TMEM178B: variants seen among roughly 807,000 people sequenced by gnomAD.
The protein encoded by TMEM178B is transmembrane protein 178B.
In TMEM178B, 5 loss-of-function variants were observed where a neutral mutation model predicts 31.0. That is an observed-to-expected ratio of 0.16 (90% CI 0.08 to 0.34). TMEM178B has a LOEUF of 0.34. Ranked by LOEUF, TMEM178B falls within the 10% of genes least tolerant of loss-of-function variation. TMEM178B has a pLI of 1.00. For synonymous variants in TMEM178B, 164 were observed against 164.0 expected (o/e 1.00, Z 0.00); for missense variants, 275 against 400.3 (o/e 0.69, Z 2.67).
intron 1 of TMEM178B, among the ~76,000 whole-genome samples, chr7:141,183,130 T>A (rs183319979): frequency 1.3e-5 from 2 of 152,342 alleles, no homozygotes; most frequent in Admixed American, 6.5e-5. Context: ...AAAAACAATG[T>A]TGGCTATACA....
Position 141,077,498 on chromosome 7 carries a change from T to A in TMEM178B, c.382+2806T>A, listed in dbSNP as rs78659985. On this transcript the variant is annotated intron_variant, in intron 1 of 3. Transcript: ENST00000565468. ...AAACGAACATCAAATCTATGTCTGA[T>A]TTGAAGGTAAAGTCCTCTGGATTCA... 9.3e-4 allele frequency among the ~76,000 whole-genome samples: 141 copies of A among 152,350 alleles called. 2 individuals are homozygous for A. In the East Asian group the frequency reaches 0.026, roughly 28 times the overall value.
chr7:141,356,640 GC>G (rs1799824365), intron 2 of TMEM178B, among the ~76,000 whole-genome samples: 1 of 149,340 alleles, frequency 6.7e-6, no homozygotes, highest in South Asian at 2.2e-4. Flanking sequence ...GACCATAGTT[GC>G]GGGGTTGGGC....
intron 3 of TMEM178B, among the ~76,000 whole-genome samples, chr7:141,438,007 C>G (rs552404476): frequency 6.6e-6 from 1 of 152,274 alleles, no homozygotes; most frequent in South Asian, 2.1e-4. Flanking sequence ...AAGACACTTA[C>G]GGAGATGATC....
intron 1 of TMEM178B, among the ~76,000 whole-genome samples, chr7:141,184,962 C>A (rs188869594): frequency 1.0e-3 from 153 of 152,320 alleles, no homozygotes; most frequent in Non-Finnish European, 2.0e-3. Context: ...GCCTTACTGA[C>A]CCTCTGGACG....
At chr7:141,499,916 C>T in the TMEM178B span, among the ~76,000 whole-genome samples, 1 of 152,128 alleles carries the variant, frequency 6.6e-6, no homozygotes, top group Non-Finnish European at 1.5e-5. Context: ...TGTGATGTAT[C>T]TTTAAAAATA....
intron 2 of TMEM178B, among the ~76,000 whole-genome samples, chr7:141,323,304 C>T (rs1213010643): frequency 1.3e-5 from 2 of 152,216 alleles, no homozygotes; most frequent in African/African-American, 2.4e-5. Flanking sequence ...TCTTCTCTAT[C>T]ATCTGGGTAC....
intron 2 of TMEM178B, among the ~76,000 whole-genome samples, chr7:141,410,913 A>G (rs1800975277): frequency 6.6e-6 from 1 of 152,250 alleles, no homozygotes; most frequent in Admixed American, 6.5e-5. Context: ...ATGCTACAAC[A>G]TAGATGAACC....
chr7:141,464,943 G>T (rs754176639), intron 3 of TMEM178B, among the ~76,000 whole-genome samples: 18 of 152,192 alleles, frequency 1.2e-4, no homozygotes, highest in Non-Finnish European at 1.8e-4. Flanking sequence ...TCATGTTGTT[G>T]TTACACCACG....
At position 141,405,283 on chromosome 7, in the gene TMEM178B, C is replaced by T. The variant is rs1477774424; in HGVS notation, c.497-32325C>T. Among the ~76,000 whole-genome samples the T allele has an allele frequency of 2.0e-5, 3 of 152,366 alleles. No individual in the cohort carries two copies. The East Asian group carries it at 5.8e-4, about 29-fold the overall frequency. On this transcript the variant is annotated intron_variant, in intron 2 of 3. Transcript: ENST00000565468. ...TGACTCATGCCCAAAGACAGCCAGC[C>T]ACCTGGCATCTATGCCAAGGGCTCG... is the stretch of plus-strand genomic sequence containing the variant.
At chr7:141,160,701 T>C (rs550044717) in intron 1 of TMEM178B, among the ~76,000 whole-genome samples, 12 of 152,294 alleles carry the variant, frequency 7.9e-5, no homozygotes, top group Admixed American at 2.0e-4. Context: ...GTTTTCCTTA[T>C]GGTGGGTCTG....
At chr7:141,284,377 T>G (rs1586869829) in intron 2 of TMEM178B, among the ~76,000 whole-genome samples, 1 of 152,278 alleles carries the variant, frequency 6.6e-6, no homozygotes. Flanking sequence ...TGCCCTAAAT[T>G]TGTCTGTTTT....
At chr7:141,251,194 A>C (rs1260537972) in intron 2 of TMEM178B, among the ~76,000 whole-genome samples, 1 of 151,868 alleles carries the variant, frequency 6.6e-6, no homozygotes, top group Non-Finnish European at 1.5e-5. Flanking sequence ...CTCAATCCCT[A>C]AGGAAGATGC....
At chr7:141,283,353 A>G (rs1168491218) in intron 2 of TMEM178B, among the ~76,000 whole-genome samples, 7 of 152,336 alleles carry the variant, frequency 4.6e-5, no homozygotes, top group South Asian at 2.1e-4. Context: ...GGGAATGAAG[A>G]TATCAGTCTT....
intron 1 of TMEM178B, among the ~76,000 whole-genome samples, chr7:141,154,414 A>G (rs745887174): frequency 3.9e-5 from 6 of 152,178 alleles, no homozygotes; most frequent in African/African-American, 7.2e-5. Context: ...AGGCTCTGCT[A>G]TAGACTGGTT....
At chr7:141,137,578 G>A (rs1795696203) in intron 1 of TMEM178B, among the ~76,000 whole-genome samples, 1 of 152,232 alleles carries the variant, frequency 6.6e-6, no homozygotes, top group Non-Finnish European at 1.5e-5. Flanking sequence ...GGGGCATGAA[G>A]AGAGGCTGGC....
chr7:141,086,180 C>A (rs528266859), intron 1 of TMEM178B, among the ~76,000 whole-genome samples: 1 of 151,384 alleles, frequency 6.6e-6, no homozygotes, highest in Non-Finnish European at 1.5e-5. Flanking sequence ...GGACTACAGG[C>A]GCCTGCCACC....
chr7:141,263,124 G>A (rs1046940968), intron 2 of TMEM178B, among the ~76,000 whole-genome samples: 2 of 152,172 alleles, frequency 1.3e-5, no homozygotes, highest in Admixed American at 6.6e-5. Flanking sequence ...TTGAAAAGGA[G>A]CTTTGTTTCT....
chr7:141,119,334 T>C (rs1285753021), intron 1 of TMEM178B, among the ~76,000 whole-genome samples: 1 of 152,150 alleles, frequency 6.6e-6, no homozygotes, highest in Admixed American at 6.5e-5. Flanking sequence ...CCCAGTGAGC[T>C]CTAGTGGCTA....
intron 3 of TMEM178B, among the ~76,000 whole-genome samples, chr7:141,460,322 C>G (rs545822419): frequency 2.0e-5 from 3 of 152,256 alleles, no homozygotes; most frequent in East Asian, 3.9e-4. Context: ...TGCGTGTGCA[C>G]GCACCTGGTG....
Sources: gnomAD v4.1 joint callset for allele counts (sites outside exome capture counted in the v4.1 genomes callset) on GRCh38, gnomAD v4.1.1 for gene constraint, MANE v1.5 for transcripts, NCBI Gene and HGNC (gene_info 2026-07-23, HGNC 2026-07-21) for gene names.